Variants in DCLK2 observed in about 807,000 individuals in gnomAD.
The protein encoded by DCLK2 is serine/threonine-protein kinase DCLK2.
Under a neutral mutation model 78.4 loss-of-function variants are expected in DCLK2, and 31 were observed. The ratio of observed to expected loss-of-function variants is 0.40; its 90% CI spans 0.30 to 0.53. The LOEUF (loss-of-function observed/expected upper bound fraction) is 0.53. Among genes scored for constraint, DCLK2 ranks in the 20% least tolerant of loss-of-function variants. The pLI, the probability that DCLK2 is intolerant of heterozygous loss-of-function variation, is 0.61. For missense variants in DCLK2, 872 were observed against 973.7 expected (o/e 0.90, Z 1.39); for synonymous variants, 407 against 374.9 (o/e 1.09, Z -0.99).
chr4:150,136,954 T>TTC (rs1180253143), intron 2 of DCLK2, among the ~76,000 whole-genome samples: 1 of 151,486 alleles, frequency 6.6e-6, no homozygotes, highest in Non-Finnish European at 1.5e-5. Context: ...ATGTATTTAT[T>TTC]TCTCATCTTT....
At chr4:150,215,963 A>G (rs919236450) in intron 5 of DCLK2, among the ~76,000 whole-genome samples, 2 of 152,196 alleles carry the variant, frequency 1.3e-5, no homozygotes, top group Admixed American at 6.5e-5. Flanking sequence ...TATAACAAGG[A>G]CTGTGGAAGT....
intron 2 of DCLK2, among the ~76,000 whole-genome samples, chr4:150,122,629 G>A (rs1202230161): frequency 6.6e-6 from 1 of 152,178 alleles, no homozygotes; most frequent in Non-Finnish European, 1.5e-5. Context: ...GGGAGGGAGA[G>A]CATTAGGAGA....
At chr4:150,242,194 T>C (rs541627322) in intron 12 of DCLK2, among the ~76,000 whole-genome samples, 20 of 152,324 alleles carry the variant, frequency 1.3e-4, no homozygotes, top group African/African-American at 4.3e-4. Flanking sequence ...AGCCTTATGC[T>C]ATAGATAAAG....
chr4:150,138,824 C>T (rs1281589321), intron 2 of DCLK2, among the ~76,000 whole-genome samples: 1 of 151,970 alleles, frequency 6.6e-6, no homozygotes, highest in Non-Finnish European at 1.5e-5. Flanking sequence ...TGCCACCATG[C>T]CCAGCTAATT....
chr4:150,243,378 C>T (rs561812722), intron 12 of DCLK2, among the ~76,000 whole-genome samples: 2 of 151,130 alleles, frequency 1.3e-5, no homozygotes, highest in African/African-American at 4.8e-5. Flanking sequence ...TAATGTTAAA[C>T]GTGTGTTACC....
Position 150,079,003 on chromosome 4 carries a change from T to A in DCLK2, c.-25T>A. The A allele has an allele frequency of 4.6e-6, 7 of 1,510,044 alleles. No homozygotes were observed. The highest frequency in any genetic ancestry group is 6.2e-6 in the Non-Finnish European group (7 of 1,132,958). 93.5% of individuals were successfully genotyped at this position (1,510,044 alleles called of 1,614,324 possible). On this transcript the variant is annotated 5_prime_UTR_variant, in exon 1 of 16. Transcript: ENST00000296550. Reference sequence around the variant, plus strand: ...CCTTAGTCGGCCCGGAACGTCTTTTTGCGGACGCCCTCGGAGCAGCCGCGA... The same window carrying A: ...CCTTAGTCGGCCCGGAACGTCTTTTAGCGGACGCCCTCGGAGCAGCCGCGA...
At chr4:150,121,668 A>G (rs1243128113) in intron 2 of DCLK2, among the ~76,000 whole-genome samples, 1 of 152,224 alleles carries the variant, frequency 6.6e-6, no homozygotes, top group Non-Finnish European at 1.5e-5. Flanking sequence ...CATGGTATCT[A>G]GAATGGTGAA....
At chr4:150,229,042 A>G (rs1741835760) in intron 8 of DCLK2, among the ~76,000 whole-genome samples, 1 of 151,436 alleles carries the variant, frequency 6.6e-6, no homozygotes, top group Admixed American at 6.6e-5. Flanking sequence ...CAAAAAAAAA[A>G]CAAAAAAAAA....
intron 5 of DCLK2, among the ~76,000 whole-genome samples, chr4:150,217,970 G>A (rs1740852229): frequency 6.6e-6 from 1 of 152,222 alleles, no homozygotes; most frequent in African/African-American, 2.4e-5. Flanking sequence ...ATTTCCTGGT[G>A]TTTAGTGGAG....
intron 2 of DCLK2, among the ~76,000 whole-genome samples, chr4:150,152,177 G>A (rs1734946233): frequency 6.6e-6 from 1 of 152,144 alleles, no homozygotes; most frequent in Non-Finnish European, 1.5e-5. Context: ...GCAAGATTTG[G>A]ATCCCATGAA....
chr4:150,253,462 T>G, intron 15 of DCLK2: 4 of 1,289,626 alleles, frequency 3.1e-6, no homozygotes, highest in Non-Finnish European at 4.0e-6. Context: ...TTATCTGCAT[T>G]TTGTTTGACA....
chr4:150,111,033 A>G (rs551003571), intron 2 of DCLK2, among the ~76,000 whole-genome samples: 1 of 152,234 alleles, frequency 6.6e-6, no homozygotes, highest in East Asian at 1.9e-4. Flanking sequence ...TGGTAGATCT[A>G]CTTTTAGTTC....
intron 2 of DCLK2, among the ~76,000 whole-genome samples, chr4:150,125,602 A>G (rs1040287172): frequency 6.6e-6 from 1 of 152,202 alleles, no homozygotes; most frequent in South Asian, 2.1e-4. Context: ...ATAGTTATGC[A>G]TGTGTGGCCA....
chr4:150,099,649 A>T (rs1730727089), intron 1 of DCLK2, among the ~76,000 whole-genome samples: 1 of 152,226 alleles, frequency 6.6e-6, no homozygotes, highest in African/African-American at 2.4e-5. Flanking sequence ...TGCCAAGATT[A>T]CTAAAGTGGG....
intron 1 of DCLK2, among the ~76,000 whole-genome samples, chr4:150,095,436 A>G (rs1175937137): frequency 6.6e-6 from 1 of 152,196 alleles, no homozygotes; most frequent in Non-Finnish European, 1.5e-5. Context: ...AACTCATCCA[A>G]GTTGTTGCAT....
chr4:150,173,807 G>A (rs1580647049), intron 2 of DCLK2, among the ~76,000 whole-genome samples: 1 of 152,134 alleles, frequency 6.6e-6, no homozygotes, highest in East Asian at 1.9e-4. Flanking sequence ...GGAGAGAAAA[G>A]AGAGCCAAGC....
chr4:150,253,436 A>G (rs1744331082), intron 15 of DCLK2: 4 of 1,289,540 alleles, frequency 3.1e-6, no homozygotes, highest in Admixed American at 2.3e-5. Flanking sequence ...GTGAAAAAAA[A>G]GTAAAGTTGA....
intron 2 of DCLK2, among the ~76,000 whole-genome samples, chr4:150,104,423 A>AAAAAAAAAAAAAAAAAC (rs1553954755): frequency 7.1e-6 from 1 of 141,038 alleles, no homozygotes; most frequent in African/African-American, 2.6e-5. Context: ...AAAAAAAAAA[A>AAAAAAAAAAAAAAAAAC]TCGAGCATCT....
At chr4:150,184,002 G>A (rs1007961603) in intron 2 of DCLK2, among the ~76,000 whole-genome samples, 2 of 152,104 alleles carry the variant, frequency 1.3e-5, no homozygotes, top group Admixed American at 1.3e-4. Context: ...CCTAAGTGCT[G>A]GGATTACAGG....
Sources: allele counts gnomAD v4.1 joint callset (sites outside exome capture counted in the v4.1 genomes callset), GRCh38; gene constraint gnomAD v4.1.1; transcripts MANE v1.5; gene names NCBI Gene and HGNC (gene_info 2026-07-23, HGNC 2026-07-21).